The following CREB5 variants were observed in gnomAD, a reference collection of about 807,000 sequenced individuals.
CREB5 encodes the protein cAMP responsive element binding protein 5, also known as cyclic AMP-responsive element-binding protein 5.
A neutral mutation model predicts 57.1 loss-of-function variants in CREB5; 19 were observed. The ratio of observed to expected loss-of-function variants is 0.33; its 90% CI spans 0.23 to 0.49. CREB5 has a LOEUF of 0.49. CREB5 is among the 20% of genes least tolerant of loss of function. CREB5 has a pLI of 0.99. For synonymous variants in CREB5, 238 were observed against 238.3 expected (o/e 1.00, Z 0.01); for missense variants, 579 against 671.6 (o/e 0.86, Z 1.52).
At chr7:28,805,402 T>C (rs1808656157) in intron 8 of CREB5, among the ~76,000 whole-genome samples, 1 of 152,020 alleles carries the variant, frequency 6.6e-6, no homozygotes, top group South Asian at 2.1e-4. Flanking sequence ...AGAATGACTT[T>C]CATCCATACC....
chr7:28,501,992 G>C (rs1420684023), intron 3 of CREB5, among the ~76,000 whole-genome samples: 1 of 152,088 alleles, frequency 6.6e-6, no homozygotes, highest in East Asian at 1.9e-4. Context: ...GAGTGTAAGA[G>C]GGTGTTCCAT....
At chr7:28,690,455 G>A (rs1801192490) in intron 5 of CREB5, among the ~76,000 whole-genome samples, 1 of 152,208 alleles carries the variant, frequency 6.6e-6, no homozygotes, top group South Asian at 2.1e-4. Context: ...AGCAGGCATT[G>A]CCAGTCAGAG....
intron 4 of CREB5, among the ~76,000 whole-genome samples, chr7:28,541,037 C>G (rs1053354052): frequency 6.6e-6 from 1 of 152,202 alleles, no homozygotes; most frequent in Non-Finnish European, 1.5e-5. Flanking sequence ...ACTGTCAATA[C>G]TAGTTGTGTC....
At chr7:28,386,316 A>G (rs1364883007) in intron 1 of CREB5, among the ~76,000 whole-genome samples, 2 of 152,178 alleles carry the variant, frequency 1.3e-5, no homozygotes, top group South Asian at 2.1e-4. Flanking sequence ...GTAAAATTCT[A>G]TGATGATCGT....
chr7:28,724,610 A>G (rs1219334663), intron 7 of CREB5: 2 of 346,198 alleles, frequency 5.8e-6, no homozygotes, highest in Non-Finnish European at 1.1e-5. Context: ...GATATACCCA[A>G]GCGTGTATAT....
chr7:28,685,525 G>A (rs1800834511), intron 5 of CREB5, among the ~76,000 whole-genome samples: 1 of 152,100 alleles, frequency 6.6e-6, no homozygotes, highest in South Asian at 2.1e-4. Context: ...CCTGTCACCT[G>A]GTTCTGAACC....
chr7:28,509,070 A>T (rs1004020666), intron 4 of CREB5, among the ~76,000 whole-genome samples: 1 of 150,794 alleles, frequency 6.6e-6, no homozygotes, highest in Admixed American at 6.6e-5. Context: ...TGAGTAATAA[A>T]TTTTTTTTTT....
chr7:28,488,091 T>C (rs962644692), intron 1 of CREB5, 84 bp from the exon 2 acceptor site: 2 of 1,230,958 alleles, frequency 1.6e-6, no homozygotes, highest in African/African-American at 1.5e-5. Context: ...CTCTGAGTGA[T>C]TGCCTTTCTC....
chr7:28,382,506 C>T (rs1300293666), intron 1 of CREB5, among the ~76,000 whole-genome samples: 1 of 152,066 alleles, frequency 6.6e-6, no homozygotes, highest in Non-Finnish European at 1.5e-5. Flanking sequence ...CAAAAGCAAC[C>T]ATCCTGCATT....
chr7:28,609,165 T>G (rs1329484315), intron 5 of CREB5: 1 of 152,220 alleles, frequency 6.6e-6, no homozygotes, highest in Admixed American at 6.5e-5. Context: ...ATAATTTGAA[T>G]TAATATGTAG....
At chr7:28,417,543 T>A (rs2128007037) in intron 1 of CREB5, among the ~76,000 whole-genome samples, 1 of 152,278 alleles carries the variant, frequency 6.6e-6, no homozygotes. Context: ...CTGTGGAACT[T>A]ATTAAAAAAC....
At chr7:28,808,711 C>CTTT (rs1808902448) in intron 8 of CREB5, among the ~76,000 whole-genome samples, 1 of 97,334 alleles carries the variant, frequency 1.0e-5, no homozygotes, top group African/African-American at 4.2e-5. Context: ...GCCAATTTTT[C>CTTT]CTTTTTTTTT....
chr7:28,654,984 C>T (rs1262856021), intron 5 of CREB5, among the ~76,000 whole-genome samples: 1 of 152,114 alleles, frequency 6.6e-6, no homozygotes, highest in Non-Finnish European at 1.5e-5. Flanking sequence ...AATATTGGCT[C>T]ACTGCAGCCT....
intron 1 of CREB5, among the ~76,000 whole-genome samples, chr7:28,419,093 G>A (rs1245166475): frequency 3.3e-5 from 5 of 152,212 alleles, no homozygotes; most frequent in Non-Finnish European, 7.3e-5. Context: ...GTTGCATGGA[G>A]ACATCTGTTG....
intron 5 of CREB5, among the ~76,000 whole-genome samples, chr7:28,650,667 T>C (rs555288156): frequency 3.1e-4 from 47 of 152,248 alleles, no homozygotes; most frequent in African/African-American, 1.1e-3. Context: ...TTTTGTTCAA[T>C]GATATAAAAT....
intron 5 of CREB5, among the ~76,000 whole-genome samples, chr7:28,583,065 G>C (rs1351018614): frequency 6.6e-6 from 1 of 152,198 alleles, no homozygotes; most frequent in Non-Finnish European, 1.5e-5. Context: ...GAGGGGTGTG[G>C]AGATTGGCCA....
At chr7:28,350,793 G>A (rs138920518) in intron 1 of CREB5, among the ~76,000 whole-genome samples, 1,614 of 152,204 alleles carry the variant, frequency 0.011, 29 homozygotes, top group African/African-American at 0.036. Flanking sequence ...GCTGCAGAAG[G>A]CAGAGCTGGG....
chr7:28,356,107 GAC>G (rs1786335931), intron 1 of CREB5, among the ~76,000 whole-genome samples: 2 of 152,156 alleles, frequency 1.3e-5, no homozygotes, highest in African/African-American at 4.8e-5. Flanking sequence ...TAACCAAAAT[GAC>G]GTCTATAAAT....
chr7:28,423,642 C>CTGAATTGGGGGTTGG (rs1562706915), intron 1 of CREB5, among the ~76,000 whole-genome samples: 1 of 150,558 alleles, frequency 6.6e-6, no homozygotes, highest in Non-Finnish European at 1.5e-5. Flanking sequence ...CTTTGTGGTG[C>CTGAATTGGGGGTTGG]TGAATTGGGG....
Sources: gnomAD v4.1 joint callset for allele counts (sites outside exome capture counted in the v4.1 genomes callset) on GRCh38, gnomAD v4.1.1 for gene constraint, MANE v1.5 for transcripts, NCBI Gene and HGNC (gene_info 2026-07-23, HGNC 2026-07-21) for gene names.